TP63: variants seen among roughly 807,000 people sequenced by gnomAD.
TP63 encodes tumor protein p63.
TP63 carries 17 observed loss-of-function variants against 82.8 expected under a neutral mutation model. The observed-to-expected ratio is 0.21, with a 90% CI of 0.14 to 0.31. The LOEUF (loss-of-function observed/expected upper bound fraction) is 0.31, where lower values mean the gene tolerates loss of function less well. TP63 is among the 10% of genes least tolerant of loss of function. TP63 has a pLI of 1.00. For missense variants in TP63, 648 were observed against 895.3 expected (o/e 0.72, Z 3.52); for synonymous variants, 330 against 321.7 (o/e 1.03, Z -0.28).
chr3:189,622,061 C>G, the TP63 span, among the ~76,000 whole-genome samples: 1 of 152,194 alleles, frequency 6.6e-6, no homozygotes, highest in African/African-American at 2.4e-5. Flanking sequence ...TCATGTCCAT[C>G]CCACAGAAGC....
At chr3:189,778,848 G>C (rs1724018633) in intron 3 of TP63, among the ~76,000 whole-genome samples, 1 of 152,148 alleles carries the variant, frequency 6.6e-6, no homozygotes, top group African/African-American at 2.4e-5. Flanking sequence ...GTGAATCAAA[G>C]AAATACTTAA....
chr3:189,726,004 G>A (rs940112403), intron 1 of TP63, among the ~76,000 whole-genome samples: 3 of 143,108 alleles, frequency 2.1e-5, no homozygotes, highest in African/African-American at 7.6e-5. Context: ...GCAGTGAGCC[G>A]AGATCATGCC....
At chr3:189,801,206 T>C (rs1403906849) in intron 3 of TP63, among the ~76,000 whole-genome samples, 3 of 152,196 alleles carry the variant, frequency 2.0e-5, no homozygotes, top group Admixed American at 6.5e-5. Flanking sequence ...AAGAATTTTA[T>C]TACTATGTAC....
At chr3:189,626,982 T>G (rs1236336765), upstream of TP63, among the ~76,000 whole-genome samples, 1 of 152,146 alleles carries the variant, frequency 6.6e-6, no homozygotes, top group African/African-American at 2.4e-5. Flanking sequence ...CAGTTTCTGT[T>G]GTTTATACCC....
At chr3:189,655,681 A>C (rs1220806581) in intron 1 of TP63, among the ~76,000 whole-genome samples, 1 of 152,212 alleles carries the variant, frequency 6.6e-6, no homozygotes, top group Non-Finnish European at 1.5e-5. Flanking sequence ...GAAACTGCTT[A>C]GCTAGAACAG....
At chr3:189,782,136 G>T (rs1413707535) in intron 3 of TP63, among the ~76,000 whole-genome samples, 1 of 152,118 alleles carries the variant, frequency 6.6e-6, no homozygotes, top group Non-Finnish European at 1.5e-5. Context: ...TGCAAGAGGG[G>T]TTTCATTTTT....
At chr3:189,775,599 T>C (rs1723735981) in intron 3 of TP63, among the ~76,000 whole-genome samples, 2 of 152,252 alleles carry the variant, frequency 1.3e-5, no homozygotes, top group Admixed American at 1.3e-4. Context: ...ATTATACTTC[T>C]CTGAATGTTG....
chr3:189,714,172 T>A (rs1355158232), intron 1 of TP63, among the ~76,000 whole-genome samples: 1 of 152,182 alleles, frequency 6.6e-6, no homozygotes, highest in Admixed American at 6.5e-5. Context: ...TATGTGTGTG[T>A]GATGCAAAGC....
chr3:189,830,820 A>G lies in TP63; in HGVS notation c.579+22294A>G, dbSNP rs982293649. On this transcript the variant is annotated intron_variant, in intron 4 of 13. Coordinates refer to ENST00000264731, the MANE Select transcript of TP63 (RefSeq NM_003722.5). ...GGACTTTGAAGGAGGAAGGGAGCATATAGACACTTAGTAAATATTGTTTGA... is the reference window on the plus strand; with the variant it reads ...GGACTTTGAAGGAGGAAGGGAGCATGTAGACACTTAGTAAATATTGTTTGA... Among the ~76,000 whole-genome samples the G allele has an allele frequency of 3.9e-5, 6 of 152,362 alleles. No homozygotes were observed. The East Asian group carries it at 9.6e-4, about 24-fold the overall frequency.
At chr3:189,627,088 G>C (rs537208839), upstream of TP63, among the ~76,000 whole-genome samples, 1 of 152,188 alleles carries the variant, frequency 6.6e-6, no homozygotes, top group African/African-American at 2.4e-5. Context: ...GAGTAAGTTA[G>C]TACCAGAGCT....
intron 4 of TP63, among the ~76,000 whole-genome samples, chr3:189,814,120 C>T (rs138192489): frequency 1.1e-3 from 174 of 152,318 alleles, no homozygotes; most frequent in African/African-American, 3.7e-3. Context: ...GGCTGAGATG[C>T]GCGCCTGCGG....
intron 1 of TP63, among the ~76,000 whole-genome samples, chr3:189,722,731 G>A (rs2108771799): frequency 6.6e-6 from 1 of 152,278 alleles, no homozygotes; most frequent in Admixed American, 6.5e-5. Flanking sequence ...TTTGTTGGGA[G>A]GATTAAATAT....
At chr3:189,826,420 A>C (rs145512737) in intron 4 of TP63, among the ~76,000 whole-genome samples, 1 of 152,208 alleles carries the variant, frequency 6.6e-6, no homozygotes, top group African/African-American at 2.4e-5. Flanking sequence ...CTAGGAAGGG[A>C]TACTGTGTAT....
chr3:189,806,201 A>T (rs1439091223), intron 3 of TP63, among the ~76,000 whole-genome samples: 1 of 151,084 alleles, frequency 6.6e-6, no homozygotes, highest in Admixed American at 6.6e-5. Flanking sequence ...CAAGGGGCCC[A>T]TGCGTCTTTG....
At chr3:189,850,768 A>G (rs997670171) in intron 4 of TP63, among the ~76,000 whole-genome samples, 1 of 152,170 alleles carries the variant, frequency 6.6e-6, no homozygotes, top group African/African-American at 2.4e-5. Flanking sequence ...ACGCAAAATT[A>G]TATTACATAT....
At chr3:189,714,600 C>T (rs1718824179) in intron 1 of TP63, among the ~76,000 whole-genome samples, 1 of 152,132 alleles carries the variant, frequency 6.6e-6, no homozygotes, top group South Asian at 2.1e-4. Flanking sequence ...AAGACTGTAT[C>T]TCTCACTGAT....
intron 3 of TP63, among the ~76,000 whole-genome samples, chr3:189,786,460 C>G (rs1032789723): frequency 3.3e-5 from 5 of 151,480 alleles, no homozygotes; most frequent in Non-Finnish European, 5.9e-5. Context: ...CACACACACA[C>G]ACACACACAC....
chr3:189,689,969 C>T (rs1716786313), intron 1 of TP63, among the ~76,000 whole-genome samples: 1 of 152,090 alleles, frequency 6.6e-6, no homozygotes, highest in Non-Finnish European at 1.5e-5. Flanking sequence ...GGGGTTTTAA[C>T]CTCCAAGGTA....
chr3:189,735,290 T>A (rs1177357141), intron 1 of TP63, among the ~76,000 whole-genome samples: 1 of 152,234 alleles, frequency 6.6e-6, no homozygotes, highest in Non-Finnish European at 1.5e-5. Flanking sequence ...CAGATTCATT[T>A]TTCCCCTATG....
Sources: allele counts gnomAD v4.1 joint callset (sites outside exome capture counted in the v4.1 genomes callset), GRCh38; gene constraint gnomAD v4.1.1; transcripts MANE v1.5; gene names NCBI Gene and HGNC (gene_info 2026-07-23, HGNC 2026-07-21).